NAA15: variants seen among roughly 807,000 people sequenced by gnomAD.
The protein encoded by NAA15 is N-alpha-acetyltransferase 15, NatA auxiliary subunit.
NAA15 carries 34 observed loss-of-function variants against 114.0 expected under a neutral mutation model. The ratio of observed to expected loss-of-function variants is 0.30; its 90% CI spans 0.23 to 0.40. The LOEUF is 0.40. NAA15 is among the 10% of genes least tolerant of loss of function. The pLI is 1.00. For synonymous variants in NAA15, 340 were observed against 338.0 expected (o/e 1.01, Z -0.06); for missense variants, 658 against 1,004.5 (o/e 0.66, Z 4.66).
chr4:139,326,093 A>AT (rs1442651612), intron 1 of NAA15, among the ~76,000 whole-genome samples: 2 of 151,986 alleles, frequency 1.3e-5, no homozygotes, highest in Non-Finnish European at 2.9e-5. Context: ...TTCTTTTTTC[A>AT]TTTTTTTAAA....
At chr4:139,363,705 G>A (rs1748199785) in intron 14 of NAA15, among the ~76,000 whole-genome samples, 1 of 152,084 alleles carries the variant, frequency 6.6e-6, no homozygotes, top group African/African-American at 2.4e-5. Flanking sequence ...GAAATCGGTG[G>A]GTTGAAGGAT....
chr4:139,372,793 G>A (rs1238905137), intron 15 of NAA15, among the ~76,000 whole-genome samples: 1 of 148,720 alleles, frequency 6.7e-6, no homozygotes, highest in Non-Finnish European at 1.5e-5. Context: ...GGCAAATTTA[G>A]TGTCACTAGT....
At chr4:139,375,367 G>A (rs1158196310) in intron 15 of NAA15, among the ~76,000 whole-genome samples, 1 of 152,094 alleles carries the variant, frequency 6.6e-6, no homozygotes, top group Admixed American at 6.5e-5. Context: ...GCTTTTAATG[G>A]GTTATTTTAT....
At chr4:139,340,765 T>C (rs982817902) in intron 3 of NAA15, 147 bp from the exon 4 acceptor site, 4 of 575,610 alleles carry the variant, frequency 6.9e-6, no homozygotes, top group African/African-American at 1.9e-5. Context: ...AACTGCTTTA[T>C]ATCTTTGAAA....
At chr4:139,379,556 A>G (rs1002789860) in intron 17 of NAA15, among the ~76,000 whole-genome samples, 3 of 152,050 alleles carry the variant, frequency 2.0e-5, no homozygotes, top group Non-Finnish European at 4.4e-5. Flanking sequence ...ATAATAAAGT[A>G]CTCCTGTAGT....
intron 4 of NAA15, among the ~76,000 whole-genome samples, chr4:139,341,605 A>AG (rs1747394331): frequency 6.6e-6 from 1 of 150,526 alleles, no homozygotes; most frequent in African/African-American, 2.4e-5. Flanking sequence ...AAAAAAAAAA[A>AG]AAAAAAAAAA....
chr4:139,340,569 T>C (rs1747350113), intron 3 of NAA15, among the ~76,000 whole-genome samples: 1 of 152,162 alleles, frequency 6.6e-6, no homozygotes, highest in Non-Finnish European at 1.5e-5. Flanking sequence ...TGCCAGCCAG[T>C]GAGCACTTTA....
chr4:139,369,100 A>G (rs569392627), intron 14 of NAA15, among the ~76,000 whole-genome samples: 8 of 152,330 alleles, frequency 5.3e-5, no homozygotes, highest in Non-Finnish European at 4.4e-5. Flanking sequence ...AAATAAGGTT[A>G]CAAATTAGAC....
rs530494904 is a variant in NAA15, at chr4:139,322,267, G to A, written c.55-11907G>A. On this transcript the variant is annotated intron_variant, in intron 1 of 19. Transcript: ENST00000296543. Reference sequence around the variant, plus strand: ...TGAATGAGTTTCATGAGATCTGACAGTTTTAAAAAGGGGAGTTTCCCTGCA... The same window carrying A: ...TGAATGAGTTTCATGAGATCTGACAATTTTAAAAAGGGGAGTTTCCCTGCA... Among the ~76,000 whole-genome samples, 1,158 of 152,272 alleles carry A rather than the reference G, an allele frequency of 7.6e-3. 12 individuals carry two copies. The highest frequency in any genetic ancestry group is 0.026 in the African/African-American group (1,089 of 41,542).
At position 139,332,301 on chromosome 4, in the gene NAA15, T is replaced by C. The variant is rs560947601; in HGVS notation, c.55-1873T>C. On this transcript the variant is annotated intron_variant, in intron 1 of 19. Transcript: ENST00000296543. ...GCCCGCCACCATGCCCAGCTAATTT[T>C]TGTATTTTTAGTAGAAACGGGGTTT... is the stretch of plus-strand genomic sequence containing the variant. Among the ~76,000 whole-genome samples, 48 of 152,010 alleles carry C rather than the reference T, an allele frequency of 3.2e-4. 1 individual carries two copies. The highest frequency in any genetic ancestry group is 1.1e-3 in the African/African-American group (44 of 41,480).
chr4:139,358,481 C>T (rs1314476690), intron 11 of NAA15, among the ~76,000 whole-genome samples: 1 of 151,730 alleles, frequency 6.6e-6, no homozygotes, highest in Non-Finnish European at 1.5e-5. Context: ...TAGGCATGAG[C>T]CCCTGCACCT....
chr4:139,325,028 A>G (rs1746746913), intron 1 of NAA15, among the ~76,000 whole-genome samples: 1 of 152,176 alleles, frequency 6.6e-6, no homozygotes, highest in South Asian at 2.1e-4. Context: ...GAACATAATC[A>G]TTAGGATCTA....
intron 2 of NAA15, 142 bp downstream of exon 2, chr4:139,334,400 C>T (rs992355838): frequency 1.1e-5 from 5 of 473,038 alleles, no homozygotes; most frequent in African/African-American, 8.1e-5. Context: ...AAATTTAATA[C>T]TGAATTTTGA....
At chr4:139,336,343 T>A (rs1400469164) in intron 2 of NAA15, among the ~76,000 whole-genome samples, 1 of 152,168 alleles carries the variant, frequency 6.6e-6, no homozygotes, top group Non-Finnish European at 1.5e-5. Flanking sequence ...ATCTTTTTCT[T>A]GTATATTTAA....
At chr4:139,318,475 T>G (rs552044225) in intron 1 of NAA15, 7 of 152,276 alleles carry the variant, frequency 4.6e-5, no homozygotes, top group South Asian at 2.1e-4. Context: ...TCATGAAATA[T>G]TCCATGTTTT....
intron 1 of NAA15, among the ~76,000 whole-genome samples, chr4:139,324,654 G>A (rs1287612214): frequency 6.6e-6 from 1 of 152,200 alleles, no homozygotes; most frequent in East Asian, 1.9e-4. Flanking sequence ...GTTTAGGGCC[G>A]GGCGCAGTGG....
chr4:139,341,666 C>T (rs1037273750), intron 4 of NAA15, among the ~76,000 whole-genome samples: 3 of 143,398 alleles, frequency 2.1e-5, no homozygotes, highest in Non-Finnish European at 3.0e-5. Flanking sequence ...CTAGTATTGA[C>T]ATGTAACTCT....
intron 1 of NAA15, among the ~76,000 whole-genome samples, chr4:139,309,048 C>G (rs1418142765): frequency 6.6e-6 from 1 of 151,850 alleles, no homozygotes; most frequent in Non-Finnish European, 1.5e-5. Context: ...AATGATTTTT[C>G]TGTAAAAATC....
chr4:139,301,509 G>A lies in NAA15; in HGVS notation c.-269G>A, dbSNP rs1745733113. The A allele has an allele frequency of 2.2e-6, 1 of 450,020 alleles. No homozygotes were observed. The highest frequency in any genetic ancestry group is 4.0e-6 in the Non-Finnish European group (1 of 253,136). The allele number at this position is 450,020 out of a possible 1,614,324, so 27.9% of individuals were successfully genotyped here. ...ACCCTCCGCGTCCGCCATTTTGGCTGCCTCTGTCGGTCTGTTCAGTTACCA... is the reference window on the plus strand; with the variant it reads ...ACCCTCCGCGTCCGCCATTTTGGCTACCTCTGTCGGTCTGTTCAGTTACCA... On this transcript the variant is annotated 5_prime_UTR_variant, in exon 1 of 20. Transcript: ENST00000296543.
Sources: gnomAD v4.1 joint callset for allele counts (sites outside exome capture counted in the v4.1 genomes callset) on GRCh38, gnomAD v4.1.1 for gene constraint, MANE v1.5 for transcripts, NCBI Gene and HGNC (gene_info 2026-07-23, HGNC 2026-07-21) for gene names.